Variants in VPS54 observed in about 807,000 individuals in gnomAD.
VPS54 encodes the protein vacuolar protein sorting-associated protein 54.
A neutral mutation model predicts 121.5 loss-of-function variants in VPS54; 45 were observed. That is an observed-to-expected ratio of 0.37 (90% CI 0.29 to 0.47). The LOEUF is 0.47. Ranked by LOEUF, VPS54 falls within the 20% of genes least tolerant of loss-of-function variation. The probability of loss-of-function intolerance (pLI) is 0.99; values close to 1 mark genes in which losing one functional copy is unlikely to be tolerated. For synonymous variants in VPS54, 371 were observed against 385.8 expected, an observed-to-expected ratio of 0.96 and a Z score of 0.45; for missense variants, 1,090 against 1,131.4, an observed-to-expected ratio of 0.96 and a Z score of 0.52.
chr2:63,976,727 G>T (rs1033839206), intron 3 of VPS54, among the ~76,000 whole-genome samples: 28 of 151,530 alleles, frequency 1.8e-4, no homozygotes, highest in Admixed American at 1.4e-3. Context: ...TCTGGGCATA[G>T]AACTGTTCAC....
At chr2:63,905,894 A>T (rs1356134077) in intron 20 of VPS54, among the ~76,000 whole-genome samples, 2 of 152,242 alleles carry the variant, frequency 1.3e-5, no homozygotes, top group East Asian at 3.8e-4. Flanking sequence ...ATATTTAGAA[A>T]TTTAGAAATT....
At chr2:63,919,813 T>C (rs762236120) in intron 15 of VPS54, 70 bp downstream of exon 15, 11 of 1,130,176 alleles carry the variant, frequency 9.7e-6, no homozygotes, top group Non-Finnish European at 1.3e-5. Flanking sequence ...ACTAAAGAAA[T>C]ATTAAGCATT....
intron 17 of VPS54, among the ~76,000 whole-genome samples, chr2:63,913,605 G>A (rs1673248316): frequency 6.6e-6 from 1 of 151,908 alleles, no homozygotes; most frequent in Non-Finnish European, 1.5e-5. Context: ...ATTCTTGTTG[G>A]GAAGTCCTAT....
intron 1 of VPS54, among the ~76,000 whole-genome samples, chr2:64,017,759 A>G (rs1678776856): frequency 6.6e-6 from 1 of 152,262 alleles, no homozygotes; most frequent in African/African-American, 2.4e-5. Context: ...ATCAGAACAT[A>G]ATTTAAAAAT....
intron 21 of VPS54, 98 bp from the exon 22 acceptor site, chr2:63,897,688 A>C: frequency 5.6e-6 from 4 of 709,000 alleles, no homozygotes; most frequent in Non-Finnish European, 8.8e-6. Flanking sequence ...TAAAAACCAA[A>C]ACCTTTGCTT....
At chr2:63,919,738 AG>A in intron 15 of VPS54, 144 bp downstream of exon 15, 2 of 524,656 alleles carry the variant, frequency 3.8e-6, no homozygotes, top group East Asian at 6.9e-5. Context: ...AAATTACCAT[AG>A]TTTTCCTGTC....
chr2:63,934,204 T>C (rs1674349686), intron 11 of VPS54, among the ~76,000 whole-genome samples, 191 bp from the exon 12 acceptor site: 1 of 152,156 alleles, frequency 6.6e-6, no homozygotes, highest in Non-Finnish European at 1.5e-5. Flanking sequence ...CCAGGAGAAA[T>C]GGGTTCACTA....
At chr2:63,911,437 G>C (rs988529166) in intron 20 of VPS54, among the ~76,000 whole-genome samples, 8 of 152,088 alleles carry the variant, frequency 5.3e-5, no homozygotes, top group Non-Finnish European at 7.4e-5. Flanking sequence ...CCCTTTCCAG[G>C]AATCTGGGAA....
chr2:64,008,436 T>C (rs1406886488), intron 1 of VPS54, among the ~76,000 whole-genome samples: 5 of 143,406 alleles, frequency 3.5e-5, no homozygotes, highest in Admixed American at 7.0e-5. Context: ...AAGGAACAAG[T>C]AAGTGGTGGA....
In VPS54 at chr2:63,909,413, C is replaced by CT. The variant is rs5831673; in HGVS notation, c.2625+2931dup. ...AATGGTACCCTTACTTATTAGCTGC[C>CT]TTTTTTTTTTTTTTTTTTTTTTTTT... On this transcript the variant is annotated intron_variant, in intron 20 of 22. Transcript: ENST00000272322. Among the ~76,000 whole-genome samples, 180 of 69,932 alleles carry CT rather than the reference C, an allele frequency of 2.6e-3. 19 individuals are homozygous for CT. Among genetic ancestry groups the CT allele is most frequent in the East Asian group, 5.1e-3 (17 of 3,308 alleles). 45.9% of individuals were successfully genotyped at this position (69,932 alleles called of 152,430 possible). A position where few individuals can be genotyped will look rare whatever the true frequency, so the allele number is the denominator to read the frequency against.
At chr2:63,893,867 T>C (rs1259198068) in intron 22 of VPS54, among the ~76,000 whole-genome samples, 3 of 152,254 alleles carry the variant, frequency 2.0e-5, no homozygotes, top group Non-Finnish European at 4.4e-5. Context: ...TGTTTTTGAT[T>C]GGTTAGCACT....
At chr2:63,907,298 C>T (rs1213809025) in intron 20 of VPS54, among the ~76,000 whole-genome samples, 4 of 152,044 alleles carry the variant, frequency 2.6e-5, no homozygotes, top group Admixed American at 1.3e-4. Flanking sequence ...GTGGGCAGAT[C>T]ACCTGAGGTC....
intron 1 of VPS54, among the ~76,000 whole-genome samples, chr2:64,004,940 G>A (rs1475737460): frequency 1.3e-5 from 2 of 151,682 alleles, no homozygotes; most frequent in African/African-American, 4.8e-5. Context: ...TACCACACCT[G>A]GCTAATTTTT....
chr2:63,912,590 G>A lies in VPS54; in HGVS notation c.2494C>T (p.Leu832=). 1.3e-6 allele frequency: 2 copies of A among 1,597,088 alleles called. No individual in the cohort carries two copies. Among genetic ancestry groups the A allele is most frequent in the South Asian group, 1.1e-5 (1 of 87,436 alleles). ...AGCATGCTATATTGCTTAGGTGGTA[G>A]TCGAGCTTCAAAATGAGCCCGGATC... The part of the protein sequence containing the change: ...PVIRAHFEAR[L]PPKQYSMLRH... Residue 832 remains leucine, a synonymous_variant, in exon 19 of 23, where the codon CTA becomes TTA. Coordinates refer to ENST00000272322, the MANE Select transcript of VPS54 (RefSeq NM_016516.3).
At chr2:63,955,320 C>A (rs1204555406) in intron 7 of VPS54, among the ~76,000 whole-genome samples, 20 of 151,772 alleles carry the variant, frequency 1.3e-4, no homozygotes, top group Admixed American at 1.3e-3. Flanking sequence ...TATTGCTTGG[C>A]TCTCAATTAT....
chr2:63,965,903 A>C lies in VPS54; in HGVS notation c.556T>G (p.Ser186Ala), dbSNP rs1675972035. 4 of 1,613,044 alleles carry C rather than the reference A, an allele frequency of 2.5e-6. No individual in the cohort carries two copies. Among genetic ancestry groups the C allele is most frequent in the Non-Finnish European group, 3.4e-6 (4 of 1,179,704 alleles). The change falls in exon 6 of 23, where the codon TCT becomes GCT. Residue 186 changes from serine to alanine, a missense_variant. This residue lies in a region of VPS54 where 801 missense variants were observed against 757.0 expected (regional missense o/e 1.06). Transcript: ENST00000272322. ...TTTCCACCAGCAGTATTAAAATGAG[A>C]CCATGGTAAAACTGAATTAAAAGTT... Reference protein sequence around the residue: ...SLTFNSVLPWSHFNTAGGKGN... With the variant: ...SLTFNSVLPWAHFNTAGGKGN...
chr2:63,912,696 A>T, intron 18 of VPS54, 35 bp from the exon 19 acceptor site: 1 of 1,540,460 alleles, frequency 6.5e-7, no homozygotes, highest in Non-Finnish European at 8.6e-7. Context: ...TAATGGAGAA[A>T]TAAAAAAAAA....
At position 64,016,073 on chromosome 2, in the gene VPS54, A is replaced by G. The variant is rs543333309; in HGVS notation, c.-21+2865T>C. ...CTAGAGATTCAAGCTTCTAATCTCCATGTTTCCTCATCTGGTTGCTGCCAA... is the reference window on the plus strand; with the variant it reads ...CTAGAGATTCAAGCTTCTAATCTCCGTGTTTCCTCATCTGGTTGCTGCCAA... On this transcript the variant is annotated intron_variant, in intron 1 of 22. Coordinates refer to ENST00000272322, the MANE Select transcript of VPS54 (RefSeq NM_016516.3). Among the ~76,000 whole-genome samples the G allele has an allele frequency of 2.6e-5, 4 of 152,380 alleles. No individual in the cohort carries two copies. In the South Asian group the frequency reaches 8.3e-4, roughly 32 times the overall value.
intron 20 of VPS54, among the ~76,000 whole-genome samples, chr2:63,908,693 CA>C (rs199821395): frequency 0.018 from 2,681 of 152,198 alleles, 33 homozygotes; most frequent in Non-Finnish European, 0.022. Flanking sequence ...TTAGTAACAG[CA>C]ACAGCAAAAG....
Sources: allele counts gnomAD v4.1 joint callset (sites outside exome capture counted in the v4.1 genomes callset), GRCh38; gene constraint gnomAD v4.1.1; regional missense constraint gnomAD v4.1.1; transcripts MANE v1.5; gene names NCBI Gene and HGNC (gene_info 2026-07-23, HGNC 2026-07-21).